Variants in PDXDC1 observed in about 807,000 individuals in gnomAD.
PDXDC1 encodes the protein pyridoxal dependent decarboxylase domain containing 1.
A neutral mutation model predicts 100.1 loss-of-function variants in PDXDC1; 42 were observed. That is an observed-to-expected ratio of 0.42 (90% CI 0.33 to 0.54). The LOEUF (loss-of-function observed/expected upper bound fraction) is 0.54, where lower values mean the gene tolerates loss of function less well. Among genes scored for constraint, PDXDC1 ranks in the 20% least tolerant of loss-of-function variants. The pLI is 0.10. For synonymous variants in PDXDC1, 260 were observed against 371.7 expected, an observed-to-expected ratio of 0.70 and a Z score of 3.46; for missense variants, 636 against 979.2, an observed-to-expected ratio of 0.65 and a Z score of 4.68.
chr16:15,008,011 G>A (rs1295328087), intron 6 of PDXDC1, among the ~76,000 whole-genome samples: 5 of 152,272 alleles, frequency 3.3e-5, no homozygotes, highest in African/African-American at 4.8e-5. Context: ...AACTGTTAAC[G>A]GGGTGGATTG....
In PDXDC1 at chr16:15,031,137, C is replaced by CTTTTTTTTTT. The variant is rs1270155714; in HGVS notation, c.1400-598_1400-597insTTTTTTTTTT. Among the ~76,000 whole-genome samples the CTTTTTTTTTT allele has an allele frequency of 1.8e-5, 2 of 114,212 alleles. 1 individual carries two copies. The highest frequency in any genetic ancestry group is 3.5e-5 in the Non-Finnish European group (2 of 56,542). The allele number at this position is 114,212 out of a possible 152,430, so 74.9% of individuals were successfully genotyped here. ...ATTTTTTTTTTTTTTTTTTTTTTTC[C>CTTTTTTTTTT]ATAGAGACGTGGTCTCACTCTGTCA... On this transcript the variant is annotated intron_variant, in intron 16 of 22. Coordinates refer to ENST00000396410, the MANE Select transcript of PDXDC1 (RefSeq NM_015027.4).
chr16:15,023,330 T>A (rs1330111490), intron 13 of PDXDC1, among the ~76,000 whole-genome samples: 1 of 152,300 alleles, frequency 6.6e-6, no homozygotes, highest in Non-Finnish European at 1.5e-5. Flanking sequence ...TTTTGTGTTT[T>A]GCTTCATGGT....
At chr16:15,068,236 T>C in intron 16 of PDXDC1, 1 of 1,586,156 alleles carries the variant, frequency 6.3e-7, no homozygotes, top group Non-Finnish European at 8.6e-7. Flanking sequence ...AGCTGGCTCA[T>C]CACTATCCGC....
chr16:15,032,817 T>G, intron 17 of PDXDC1, 44 bp from the exon 18 acceptor site: 1 of 1,072,106 alleles, frequency 9.3e-7, no homozygotes, highest in Non-Finnish European at 1.5e-6. Flanking sequence ...AGAAGAGACA[T>G]TTGATCTTTT....
At chr16:15,073,265 C>G (rs535528160) in intron 16 of PDXDC1, among the ~76,000 whole-genome samples, 4 of 152,102 alleles carry the variant, frequency 2.6e-5, no homozygotes, top group Non-Finnish European at 5.9e-5. Flanking sequence ...TCAAGGGCAG[C>G]CTGGGGAACA....
In PDXDC1 at chr16:14,983,942, C is replaced by T. The variant is rs1968618898; in HGVS notation, c.21+8722C>T. On this transcript the variant is annotated intron_variant, in intron 1 of 22. Coordinates refer to ENST00000396410, the MANE Select transcript of PDXDC1 (RefSeq NM_015027.4). ...CTTTGGGAGGCCAAGGAAGGAGGAT[C>T]TCTTGAGCCCAGGAGTTTGAGGGCA... Among the ~76,000 whole-genome samples the T allele has an allele frequency of 2.0e-5, 3 of 152,252 alleles. No homozygotes were observed. In the East Asian group the frequency reaches 5.8e-4, roughly 29 times the overall value.
At chr16:15,125,634 C>A (rs2047669621) in intron 16 of PDXDC1, 7 of 1,210,426 alleles carry the variant, frequency 5.8e-6, no homozygotes, top group Non-Finnish European at 7.4e-6. Flanking sequence ...GGAGTCCAAG[C>A]TGCGCCAAGG....
intron 16 of PDXDC1, among the ~76,000 whole-genome samples, chr16:15,043,590 C>T (rs1243610645): frequency 6.6e-6 from 1 of 151,950 alleles, no homozygotes; most frequent in Non-Finnish European, 1.5e-5. Context: ...TATGAGTAAG[C>T]TTGCTTCATG....
intron 1 of PDXDC1, among the ~76,000 whole-genome samples, chr16:14,986,044 C>T (rs974225571): frequency 6.6e-6 from 1 of 152,258 alleles, no homozygotes; most frequent in African/African-American, 2.4e-5. Context: ...AAGGCTGCAG[C>T]CAGCTATGAT....
chr16:15,089,073 C>T (rs1355494338), intron 16 of PDXDC1, among the ~76,000 whole-genome samples: 2 of 152,126 alleles, frequency 1.3e-5, no homozygotes, highest in South Asian at 2.1e-4. Context: ...GAGGCTGAGG[C>T]GGGTGGATCA....
the PDXDC1 span, among the ~76,000 whole-genome samples, chr16:15,145,265 G>A: frequency 5.3e-5 from 8 of 152,354 alleles, no homozygotes; most frequent in East Asian, 3.9e-4. Flanking sequence ...CAGATCCAGC[G>A]GGGCAGCCGG....
Position 15,029,875 on chromosome 16 carries a change from C to A in PDXDC1, c.1294-76C>A. The stretch of plus-strand genomic sequence containing the variant: ...TCCAGGAGGCTCTTTGGTCTGGGGC[C>A]GAGGGGATGAGGGTGGGTCCTGAAG... On this transcript the variant is annotated intron_variant, in intron 15 of 22. Transcript: ENST00000396410. The A allele has an allele frequency of 6.6e-6, 9 of 1,365,588 alleles. No individual in the cohort carries two copies. In the South Asian group the frequency reaches 9.0e-5, roughly 14 times the overall value. 84.6% of individuals were successfully genotyped at this position (1,365,588 alleles called of 1,614,324 possible).
In PDXDC1 at chr16:15,037,761, T is replaced by G. The variant is rs1015419924; in HGVS notation, c.*1486T>G. The G allele has an allele frequency of 2.4e-5, 8 of 331,862 alleles. No individual in the cohort carries two copies. The highest frequency in any genetic ancestry group is 6.3e-5 in the African/African-American group (3 of 47,640). The allele number at this position is 331,862 out of a possible 1,614,324, so 20.6% of individuals were successfully genotyped here. On this transcript the variant is annotated 3_prime_UTR_variant, in exon 23 of 23. Transcript: ENST00000396410. ...CCTGAAATAGCTGCCGATAGACCAG[T>G]GAGAGGTAGGTTCTCCTCTGCCCGT...
At chr16:15,091,477 C>T (rs1284608701) in intron 16 of PDXDC1, 2 of 723,090 alleles carry the variant, frequency 2.8e-6, no homozygotes, top group Non-Finnish European at 4.6e-6. Context: ...ATAAAAGGAA[C>T]ACTAACTTTC....
intron 8 of PDXDC1, among the ~76,000 whole-genome samples, chr16:15,011,631 C>CTTTTTTTT: frequency 7.4e-4 from 97 of 131,278 alleles, no homozygotes; most frequent in African/African-American, 1.2e-3. Context: ...ACATTTTTTT[C>CTTTTTTTT]TTTTTTTTTT....
At chr16:15,114,943 T>C (rs1242588159) in intron 16 of PDXDC1, among the ~76,000 whole-genome samples, 1 of 147,546 alleles carries the variant, frequency 6.8e-6, no homozygotes, top group African/African-American at 2.5e-5. Context: ...TTTTTTTTTT[T>C]TTTTTGAGAC....
intron 16 of PDXDC1, chr16:15,131,545 G>T: frequency 6.2e-7 from 1 of 1,609,654 alleles, no homozygotes; most frequent in East Asian, 2.2e-5. Context: ...GCCCGCCAGT[G>T]TCAGGGGCTC....
chr16:15,106,648 G>A lies in PDXDC1; in HGVS notation c.1400-32231G>A, dbSNP rs563694257. On this transcript the variant is annotated intron_variant, in intron 16 of 16. Transcript: ENST00000535621. ...CAGGCACCTGTAAGCCCAGCTACTC[G>A]GGAGGCTGAGGCAGGGGAATCACTT... Among the ~76,000 whole-genome samples the A allele has an allele frequency of 3.4e-4, 50 of 147,834 alleles. 1 individual carries two copies. The East Asian group carries it at 3.9e-3, about 12-fold the overall frequency.
intron 16 of PDXDC1, among the ~76,000 whole-genome samples, chr16:15,077,595 T>A (rs951951960): frequency 2.0e-5 from 3 of 152,106 alleles, no homozygotes; most frequent in Admixed American, 6.5e-5. Context: ...TAATCCGAGC[T>A]CTTTGGGAGG....
Sources: gnomAD v4.1 joint callset for allele counts (sites outside exome capture counted in the v4.1 genomes callset) on GRCh38, gnomAD v4.1.1 for gene constraint, MANE v1.5 for transcripts, NCBI Gene and HGNC (gene_info 2026-07-23, HGNC 2026-07-21) for gene names.